SYNPO2: variants seen among roughly 807,000 people sequenced by gnomAD.
SYNPO2 encodes the protein synaptopodin 2, also known as synaptopodin-2.
Under a neutral mutation model 85.0 loss-of-function variants are expected in SYNPO2, and 56 were observed. The ratio of observed to expected loss-of-function variants is 0.66; its 90% CI spans 0.53 to 0.82. The LOEUF (loss-of-function observed/expected upper bound fraction) is 0.82. SYNPO2 is among the 40% of genes least tolerant of loss of function. The probability of loss-of-function intolerance (pLI) is 0.00; values close to 1 mark genes in which losing one functional copy is unlikely to be tolerated. For synonymous variants in SYNPO2, 602 were observed against 591.1 expected (o/e 1.02, Z -0.27); for missense variants, 1,575 against 1,534.2 (o/e 1.03, Z -0.44).
chr4:119,038,397 T>G, intron 4 of SYNPO2: 1 of 984,824 alleles, frequency 1.0e-6, no homozygotes, highest in Non-Finnish European at 1.2e-6. Context: ...TTTACAGCAA[T>G]GTTGTGTGAC....
At chr4:119,012,640 C>A (rs1737365896) in intron 1 of SYNPO2, among the ~76,000 whole-genome samples, 1 of 152,110 alleles carries the variant, frequency 6.6e-6, no homozygotes. Flanking sequence ...TGAGTGAGAA[C>A]ATGTGGTTTT....
chr4:118,863,166 G>A (rs1446628406), intron 1 of SYNPO2, among the ~76,000 whole-genome samples: 3 of 152,232 alleles, frequency 2.0e-5, no homozygotes, highest in Non-Finnish European at 4.4e-5. Flanking sequence ...GGGCAATACT[G>A]GCCTCATAGA....
rs987688246 is a variant in SYNPO2, at chr4:119,036,308, T to A, written c.3252+4281T>A. On this transcript the variant is annotated intron_variant, in intron 4 of 4. Coordinates refer to ENST00000307142, the MANE Select transcript of SYNPO2 (RefSeq NM_133477.3). ...TTGAGTTTGTTTTTAAACATTTTTATAAGTTCATGAGAAAAAATATATAAA... is the reference window on the plus strand; with the variant it reads ...TTGAGTTTGTTTTTAAACATTTTTAAAAGTTCATGAGAAAAAATATATAAA... 6.1e-6 allele frequency: 6 copies of A among 985,210 alleles called. No individual in the cohort carries two copies. In the African/African-American group the frequency reaches 1.0e-4, roughly 17 times the overall value. The allele number at this position is 985,210 out of a possible 1,614,324, so 61.0% of individuals were successfully genotyped here.
chr4:118,908,497 T>C (rs919535326), intron 1 of SYNPO2, among the ~76,000 whole-genome samples: 2 of 152,198 alleles, frequency 1.3e-5, no homozygotes, highest in South Asian at 2.1e-4. Context: ...TTCGATTAGA[T>C]TTCCAGATCG....
chr4:118,852,214 A>G (rs1367875146), intron 1 of SYNPO2, among the ~76,000 whole-genome samples: 1 of 152,198 alleles, frequency 6.6e-6, no homozygotes, highest in Non-Finnish European at 1.5e-5. Context: ...TAAAGAGAAA[A>G]AATAACAGAT....
chr4:118,856,276 T>C, intron 1 of SYNPO2, among the ~76,000 whole-genome samples: 1 of 152,230 alleles, frequency 6.6e-6, no homozygotes, highest in East Asian at 1.9e-4. Flanking sequence ...TAGGGTTAAA[T>C]ACATTGTTGG....
upstream of SYNPO2, among the ~76,000 whole-genome samples, chr4:118,887,887 GCT>G (rs1271895041): frequency 6.6e-6 from 1 of 152,124 alleles, no homozygotes; most frequent in Non-Finnish European, 1.5e-5. Context: ...ACTTTCCCAG[GCT>G]CTTCCTTATT....
Position 118,944,246 on chromosome 4 carries a change from G to A in SYNPO2, c.105+55105G>A, listed in dbSNP as rs181364086. On this transcript the variant is annotated intron_variant, in intron 1 of 4. Coordinates refer to ENST00000307142, the MANE Select transcript of SYNPO2 (RefSeq NM_133477.3). ...ATAAAAGGATAATTAATAAAATAAT[G>A]CTACCAGTCTACTCGCAGTAGACTA... is the stretch of plus-strand genomic sequence containing the variant. Among the ~76,000 whole-genome samples the A allele has an allele frequency of 1.9e-3, 292 of 152,108 alleles. 1 individual carries two copies. The highest frequency in any genetic ancestry group is 9.6e-4 in the Non-Finnish European group (65 of 68,000).
chr4:118,979,272 G>A (rs28698244), intron 1 of SYNPO2, among the ~76,000 whole-genome samples: 129,063 of 152,158 alleles, frequency 0.85, 54,835 homozygotes, highest in Middle Eastern at 0.94. Flanking sequence ...TCCTACTGCC[G>A]TAGCGTTGTT....
At chr4:118,932,786 T>C (rs370863240) in intron 1 of SYNPO2, among the ~76,000 whole-genome samples, 1 of 152,330 alleles carries the variant, frequency 6.6e-6, no homozygotes, top group Non-Finnish European at 1.5e-5. Flanking sequence ...ATTGGGATCG[T>C]TGTATTGAAA....
rs952249268 is a variant in SYNPO2 at position 119,032,478 on chromosome 4, G to T, written c.3252+451G>T. 9.6e-6 allele frequency: 10 copies of T among 1,037,716 alleles called. No homozygotes were observed. The Admixed American group carries it at 5.0e-4, about 52-fold the overall frequency. 64.3% of individuals were successfully genotyped at this position (1,037,716 alleles called of 1,614,324 possible). A position where few individuals can be genotyped will look rare whatever the true frequency, so the allele number is the denominator to read the frequency against. On this transcript the variant is annotated intron_variant, in intron 4 of 4. Coordinates refer to ENST00000307142, the MANE Select transcript of SYNPO2 (RefSeq NM_133477.3). ...ATATTGACTGAGATTTCCCTTTTAG[G>T]TAGTGCCTTATCTCTATTACTAGTG...
chr4:119,019,516 ATAT>A (rs897066374), intron 1 of SYNPO2, among the ~76,000 whole-genome samples: 1 of 152,042 alleles, frequency 6.6e-6, no homozygotes, highest in East Asian at 1.9e-4. Context: ...TTGAGTCATA[ATAT>A]TGTCTGTTTT....
chr4:118,880,239 A>G (rs1460785440), intron 1 of SYNPO2, among the ~76,000 whole-genome samples: 1 of 152,186 alleles, frequency 6.6e-6, no homozygotes, highest in Admixed American at 6.5e-5. Flanking sequence ...CATTTTATAT[A>G]CTTTGTGCAT....
intron 1 of SYNPO2, among the ~76,000 whole-genome samples, chr4:118,899,933 T>G (rs561406922): frequency 2.0e-3 from 305 of 152,234 alleles, no homozygotes; most frequent in Non-Finnish European, 3.8e-3. Context: ...AGCTAATTTT[T>G]GTAGTTTTAG....
intron 1 of SYNPO2, among the ~76,000 whole-genome samples, chr4:118,931,809 T>C (rs1207756025): frequency 6.6e-6 from 1 of 152,198 alleles, no homozygotes; most frequent in East Asian, 1.9e-4. Context: ...GCCTCAGGCT[T>C]TTATGGAATG....
intron 1 of SYNPO2, among the ~76,000 whole-genome samples, chr4:118,947,040 C>T (rs1403579067): frequency 6.6e-6 from 1 of 152,160 alleles, no homozygotes; most frequent in African/African-American, 2.4e-5. Context: ...TGAACCAAAT[C>T]CTCTTCCTAA....
At chr4:118,889,226 G>C in intron 1 of SYNPO2, 85 bp downstream of exon 1, 1 of 1,246,372 alleles carries the variant, frequency 8.0e-7, no homozygotes, top group Non-Finnish European at 1.1e-6. Flanking sequence ...AGGTTCTGAT[G>C]CAGAAGTCTA....
chr4:118,930,956 G>A (rs1733913517), intron 1 of SYNPO2, among the ~76,000 whole-genome samples: 1 of 151,424 alleles, frequency 6.6e-6, no homozygotes, highest in Non-Finnish European at 1.5e-5. Flanking sequence ...ATCTTGAGGA[G>A]AGGGAAATAT....
intron 1 of SYNPO2, among the ~76,000 whole-genome samples, chr4:118,922,238 C>A (rs777838210): frequency 6.6e-6 from 1 of 151,190 alleles, no homozygotes; most frequent in Non-Finnish European, 1.5e-5. Context: ...GTTTCTGTTA[C>A]CCTTTTTAAT....
Sources: allele counts gnomAD v4.1 joint callset (sites outside exome capture counted in the v4.1 genomes callset), GRCh38; gene constraint gnomAD v4.1.1; transcripts MANE v1.5; gene names NCBI Gene and HGNC (gene_info 2026-07-23, HGNC 2026-07-21).